Variants in CNTNAP2 observed in about 807,000 individuals in gnomAD.
CNTNAP2 encodes the protein contactin associated protein 2, also known as contactin-associated protein-like 2.
A neutral mutation model predicts 155.2 loss-of-function variants in CNTNAP2; 98 were observed. The observed-to-expected ratio is 0.63, with a 90% CI of 0.54 to 0.75. CNTNAP2 has a LOEUF of 0.75. Among genes scored for constraint, CNTNAP2 ranks in the 30% least tolerant of loss-of-function variants. The probability of loss-of-function intolerance (pLI) is 0.00; values close to 1 mark genes in which losing one functional copy is unlikely to be tolerated. For synonymous variants in CNTNAP2, 651 were observed against 631.2 expected (o/e 1.03, Z -0.47); for missense variants, 1,727 against 1,688.1 (o/e 1.02, Z -0.40).
intron 1 of CNTNAP2, among the ~76,000 whole-genome samples, chr7:146,423,501 T>C (rs532377974): frequency 1.3e-5 from 2 of 152,250 alleles, no homozygotes; most frequent in South Asian, 4.1e-4. Context: ...AGATGAATGA[T>C]TGATTCCTAC....
At chr7:147,074,376 T>A (rs1428949147) in intron 4 of CNTNAP2, among the ~76,000 whole-genome samples, 1 of 152,148 alleles carries the variant, frequency 6.6e-6, no homozygotes, top group Non-Finnish European at 1.5e-5. Context: ...TTTCCTCACA[T>A]CTGCATATGG....
rs1235173478 is a variant in CNTNAP2, at chr7:146,884,540, G to T, written c.402+44636G>T. Among the ~76,000 whole-genome samples the T allele has an allele frequency of 3.3e-5, 5 of 152,108 alleles. No individual in the cohort carries two copies. The East Asian group carries it at 9.6e-4, about 29-fold the overall frequency. Reference sequence around the variant, plus strand: ...AGTATGTATTGAGTATCAGCTATGGGTTAGATGCTGTTCTAAGCATGGAGA... The same window carrying T: ...AGTATGTATTGAGTATCAGCTATGGTTTAGATGCTGTTCTAAGCATGGAGA... On this transcript the variant is annotated intron_variant, in intron 3 of 23. Coordinates refer to ENST00000361727, the MANE Select transcript of CNTNAP2 (RefSeq NM_014141.6).
At chr7:146,717,620 T>C (rs574685677) in intron 1 of CNTNAP2, among the ~76,000 whole-genome samples, 8 of 151,770 alleles carry the variant, frequency 5.3e-5, no homozygotes, top group Non-Finnish European at 1.0e-4. Flanking sequence ...TGGTCATCCA[T>C]GTGACTTTGA....
At chr7:148,051,045 A>C (rs1189270694) in intron 15 of CNTNAP2, among the ~76,000 whole-genome samples, 1 of 152,236 alleles carries the variant, frequency 6.6e-6, no homozygotes, top group Non-Finnish European at 1.5e-5. Context: ...TCAGCAATGC[A>C]TGACTGTATT....
chr7:148,372,996 C>G lies in CNTNAP2; in HGVS notation c.3476-10653C>G, dbSNP rs564605683. On this transcript the variant is annotated intron_variant, in intron 21 of 23. Transcript: ENST00000361727. ...TTGGCCTCCACAGGGTGAGGATCAT[C>G]AATACCACTGTCTTCCACCTGCACA... is the stretch of plus-strand genomic sequence containing the variant. 2.3e-4 allele frequency among the ~76,000 whole-genome samples: 35 copies of G among 152,222 alleles called. No homozygotes were observed. The South Asian group carries it at 7.3e-3, about 32-fold the overall frequency.
intron 3 of CNTNAP2, among the ~76,000 whole-genome samples, chr7:146,996,791 C>T (rs1398034552): frequency 6.6e-6 from 1 of 152,072 alleles, no homozygotes; most frequent in Non-Finnish European, 1.5e-5. Flanking sequence ...GCTGTGTCCC[C>T]ACCCAAATCT....
chr7:146,603,145 G>T (rs912774411), intron 1 of CNTNAP2, among the ~76,000 whole-genome samples: 1 of 151,420 alleles, frequency 6.6e-6, no homozygotes, highest in Non-Finnish European at 1.5e-5. Context: ...GGGCGAGGTG[G>T]CTCACGCCTG....
At chr7:147,251,214 A>C (rs1215353838) in intron 8 of CNTNAP2, among the ~76,000 whole-genome samples, 7 of 152,142 alleles carry the variant, frequency 4.6e-5, no homozygotes, top group East Asian at 1.9e-4. Context: ...AGCAGACACC[A>C]TCTTTCTGTC....
chr7:148,330,129 G>A (rs977998311), intron 21 of CNTNAP2, among the ~76,000 whole-genome samples: 17 of 137,046 alleles, frequency 1.2e-4, no homozygotes, highest in Non-Finnish European at 2.6e-4. Flanking sequence ...GGATGGAGTG[G>A]ATGGGTAGAA....
At chr7:147,015,080 T>A (rs1798695325) in intron 3 of CNTNAP2, among the ~76,000 whole-genome samples, 1 of 151,950 alleles carries the variant, frequency 6.6e-6, no homozygotes, top group South Asian at 2.1e-4. Flanking sequence ...TGGATGCTTT[T>A]GACACAGTGG....
intron 16 of CNTNAP2, among the ~76,000 whole-genome samples, chr7:148,135,973 G>GAGGAAGGAAGGAAGGAAGGAAGGA (rs1186076177): frequency 1.0e-4 from 4 of 40,196 alleles, no homozygotes; most frequent in Admixed American, 6.3e-4. Flanking sequence ...GGAAGAGAGG[G>GAGGAAGGAAGGAAGGAAGGAAGGA]AGGAAGGAAG....
intron 1 of CNTNAP2, among the ~76,000 whole-genome samples, chr7:146,201,342 A>G (rs912625416): frequency 7.6e-6 from 1 of 132,156 alleles, no homozygotes; most frequent in Non-Finnish European, 1.6e-5. Context: ...TATATGAAAC[A>G]GGACAAAATA....
intron 6 of CNTNAP2, among the ~76,000 whole-genome samples, chr7:147,126,233 C>G (rs772618508): frequency 1.3e-5 from 2 of 152,078 alleles, no homozygotes; most frequent in Non-Finnish European, 2.9e-5. Flanking sequence ...GTAGAGGTAT[C>G]CAATAGTCCC....
At chr7:146,895,750 A>C (rs1253480642) in intron 3 of CNTNAP2, among the ~76,000 whole-genome samples, 1 of 152,116 alleles carries the variant, frequency 6.6e-6, no homozygotes, top group African/African-American at 2.4e-5. Flanking sequence ...TGTGAGATGC[A>C]ATGGGAGACC....
In CNTNAP2 at chr7:146,954,549, G is replaced by A. The variant is rs532626318; in HGVS notation, c.403-89358G>A. Among the ~76,000 whole-genome samples the A allele has an allele frequency of 5.9e-4, 90 of 152,020 alleles. No individual in the cohort carries two copies. The Middle Eastern group carries it at 0.01, about 17-fold the overall frequency. On this transcript the variant is annotated intron_variant, in intron 3 of 23. Coordinates refer to ENST00000361727, the MANE Select transcript of CNTNAP2 (RefSeq NM_014141.6). ...TTTGACAGCAAGATTTCAACTATTG[G>A]AGCAGACAACTTTATATTGTAATTG...
chr7:147,270,168 A>T (rs2116703018), intron 8 of CNTNAP2, among the ~76,000 whole-genome samples: 1 of 152,328 alleles, frequency 6.6e-6, no homozygotes, highest in East Asian at 1.9e-4. Context: ...GAAAGCAAAA[A>T]GTCATGAGTC....
rs190495467 is a variant in CNTNAP2, at chr7:147,023,459, A to G, written c.403-20448A>G. Among the ~76,000 whole-genome samples, 927 of 152,220 alleles carry G rather than the reference A, an allele frequency of 6.1e-3. 7 individuals are homozygous for G. The highest frequency in any genetic ancestry group is 0.021 in the African/African-American group (891 of 41,536). ...TATCCTTTTTATCCAGTCTCCTCCA[A>G]TGGCATCTTGTAACACTAGAGTCAC... On this transcript the variant is annotated intron_variant, in intron 3 of 23. Transcript: ENST00000361727.
At position 147,151,328 on chromosome 7, in the gene CNTNAP2, G is replaced by A. The variant is rs181488153; in HGVS notation, c.1348+18819G>A. Reference sequence around the variant, plus strand: ...ACGCTAAGAGGGAACTGGTGTAACGGGAATGATAAACATGAGTATAATTAC... The same window carrying A: ...ACGCTAAGAGGGAACTGGTGTAACGAGAATGATAAACATGAGTATAATTAC... On this transcript the variant is annotated intron_variant, in intron 8 of 23. Transcript: ENST00000361727. Among the ~76,000 whole-genome samples the A allele has an allele frequency of 3.9e-5, 6 of 152,214 alleles. No individual in the cohort carries two copies. In the East Asian group the frequency reaches 1.2e-3, roughly 29 times the overall value.
chr7:148,005,605 G>C (rs1027094342), intron 15 of CNTNAP2, among the ~76,000 whole-genome samples: 1 of 152,076 alleles, frequency 6.6e-6, no homozygotes, highest in Non-Finnish European at 1.5e-5. Context: ...GCACCAAGAG[G>C]AATGTGCAGA....
Sources: gnomAD v4.1 joint callset for allele counts (sites outside exome capture counted in the v4.1 genomes callset) on GRCh38, gnomAD v4.1.1 for gene constraint, MANE v1.5 for transcripts, NCBI Gene and HGNC (gene_info 2026-07-23, HGNC 2026-07-21) for gene names.